Variants in MYO5B observed in about 807,000 individuals in gnomAD.
The protein encoded by MYO5B is unconventional myosin-Vb.
MYO5B carries 143 observed loss-of-function variants against 229.3 expected under a neutral mutation model. That is an observed-to-expected ratio of 0.62 (90% CI 0.54 to 0.72). MYO5B has a LOEUF of 0.72. Ranked by LOEUF, MYO5B falls within the 30% of genes least tolerant of loss-of-function variation. The probability of loss-of-function intolerance (pLI) is 0.00; values close to 1 mark genes in which losing one functional copy is unlikely to be tolerated. For synonymous variants in MYO5B, 918 were observed against 885.2 expected (o/e 1.04, Z -0.66); for missense variants, 2,321 against 2,331.0 (o/e 1.00, Z 0.09).
intron 1 of MYO5B, among the ~76,000 whole-genome samples, chr18:50,140,567 C>T (rs2032402428): frequency 6.6e-6 from 1 of 152,208 alleles, no homozygotes; most frequent in Admixed American, 6.5e-5. Flanking sequence ...GAAAAACATT[C>T]TCAATCTTTC....
intron 4 of MYO5B, among the ~76,000 whole-genome samples, chr18:50,032,248 CTA>C (rs2026398400): frequency 6.6e-6 from 1 of 152,136 alleles, no homozygotes; most frequent in Non-Finnish European, 1.5e-5. Context: ...GTGTATAATT[CTA>C]TGATTTTTAG....
At chr18:49,980,210 A>C (rs1323182478) in intron 9 of MYO5B, among the ~76,000 whole-genome samples, 1 of 152,214 alleles carries the variant, frequency 6.6e-6, no homozygotes, top group African/African-American at 2.4e-5. Context: ...AACCCAACAA[A>C]AAGAATTTAT....
chr18:50,085,624 T>A (rs547149202), intron 1 of MYO5B, among the ~76,000 whole-genome samples: 114 of 152,272 alleles, frequency 7.5e-4, no homozygotes, highest in Admixed American at 1.5e-3. Flanking sequence ...ACATATGTTT[T>A]TTGCGGCACT....
chr18:49,952,152 C>T (rs1213680691), intron 14 of MYO5B, among the ~76,000 whole-genome samples: 1 of 152,214 alleles, frequency 6.6e-6, no homozygotes, highest in Non-Finnish European at 1.5e-5. Flanking sequence ...ACAGGGTTTA[C>T]TTGGCTTTAT....
At chr18:50,070,783 C>A (rs2030938057) in intron 1 of MYO5B, among the ~76,000 whole-genome samples, 1 of 151,968 alleles carries the variant, frequency 6.6e-6, no homozygotes, top group Non-Finnish European at 1.5e-5. Flanking sequence ...TACCTGCACC[C>A]CCCGGCCCCT....
intron 5 of MYO5B, among the ~76,000 whole-genome samples, chr18:49,998,188 A>G (rs746559797): frequency 3.9e-5 from 6 of 152,188 alleles, no homozygotes; most frequent in Admixed American, 3.3e-4. Context: ...TCTCTCAAAC[A>G]TAACACTTAA....
intron 4 of MYO5B, among the ~76,000 whole-genome samples, chr18:50,012,099 CCCACA>C (rs1369660929): frequency 2.0e-5 from 3 of 152,192 alleles, no homozygotes; most frequent in African/African-American, 7.2e-5. Context: ...TCTGCTGGAT[CCCACA>C]CCACACCAAT....
chr18:50,151,615 T>G (rs1022260441), intron 1 of MYO5B, among the ~76,000 whole-genome samples: 1 of 152,234 alleles, frequency 6.6e-6, no homozygotes, highest in Non-Finnish European at 1.5e-5. Flanking sequence ...CATTGTTATG[T>G]GCATTAAACT....
At chr18:49,996,282 G>T (rs1242721974) in intron 5 of MYO5B, among the ~76,000 whole-genome samples, 1 of 152,136 alleles carries the variant, frequency 6.6e-6, no homozygotes, top group Non-Finnish European at 1.5e-5. Context: ...TAGTAAAACT[G>T]AACATGCATG....
chr18:50,116,790 C>G (rs576897710), intron 1 of MYO5B, among the ~76,000 whole-genome samples: 1 of 147,852 alleles, frequency 6.8e-6, no homozygotes, highest in East Asian at 2.1e-4. Flanking sequence ...GAGTCTTTAA[C>G]AAACCTTCTG....
At chr18:50,037,738 A>T (rs1020147747) in intron 3 of MYO5B, among the ~76,000 whole-genome samples, 2 of 152,166 alleles carry the variant, frequency 1.3e-5, no homozygotes, top group African/African-American at 2.4e-5. Context: ...CTTCTCTACA[A>T]AAAAAGTATT....
chr18:50,054,482 G>A (rs1840672328), intron 2 of MYO5B, among the ~76,000 whole-genome samples: 1 of 152,146 alleles, frequency 6.6e-6, no homozygotes, highest in Admixed American at 6.5e-5. Flanking sequence ...TGAAACAGCA[G>A]GGCCACAACC....
intron 9 of MYO5B, among the ~76,000 whole-genome samples, chr18:49,978,122 A>C (rs980083929): frequency 6.6e-6 from 1 of 152,140 alleles, no homozygotes; most frequent in East Asian, 1.9e-4. Context: ...AAGGGCTGCC[A>C]CACCAGGTAG....
At chr18:49,902,927 G>A (rs2024859700) in intron 20 of MYO5B, 94 bp from the exon 21 acceptor site, 1 of 1,502,242 alleles carries the variant, frequency 6.7e-7, no homozygotes, top group African/African-American at 1.4e-5. Flanking sequence ...GAAGAGGCCA[G>A]GGCAGCCTTG....
chr18:49,934,756 A>C (rs2025230850), intron 16 of MYO5B, among the ~76,000 whole-genome samples: 1 of 152,240 alleles, frequency 6.6e-6, no homozygotes, highest in African/African-American at 2.4e-5. Context: ...AGCACACTGC[A>C]AAGAAAACTG....
rs150760503 is a variant in MYO5B, at chr18:50,190,636, A to G, written c.27+4131T>C. 5.0e-4 allele frequency among the ~76,000 whole-genome samples: 74 copies of G among 146,736 alleles called. No individual in the cohort carries two copies. The East Asian group carries it at 6.0e-3, about 12-fold the overall frequency. ...TTGGCCCCCGACCTACCAAAAAAAA[A>G]TCACATAACATATAAACTGCCACTT... On this transcript the variant is annotated intron_variant, in intron 1 of 39. Transcript: ENST00000285039.
intron 5 of MYO5B, among the ~76,000 whole-genome samples, chr18:49,998,346 T>C (rs369774163): frequency 1.3e-4 from 20 of 152,184 alleles, no homozygotes; most frequent in African/African-American, 4.6e-4. Flanking sequence ...TTTATTTACA[T>C]GACCATGTAA....
chr18:49,950,087 C>T (rs150504116), intron 14 of MYO5B, among the ~76,000 whole-genome samples: 4 of 152,186 alleles, frequency 2.6e-5, no homozygotes, highest in Non-Finnish European at 4.4e-5. Flanking sequence ...TCTTTTGAGA[C>T]GTCTGAAACA....
intron 17 of MYO5B, among the ~76,000 whole-genome samples, chr18:49,928,843 T>C (rs2025157956): frequency 6.6e-6 from 1 of 152,196 alleles, no homozygotes; most frequent in Non-Finnish European, 1.5e-5. Context: ...TAGAGACCAT[T>C]ATTCTAAGTG....
Sources: allele counts gnomAD v4.1 joint callset (sites outside exome capture counted in the v4.1 genomes callset), GRCh38; gene constraint gnomAD v4.1.1; transcripts MANE v1.5; gene names NCBI Gene and HGNC (gene_info 2026-07-23, HGNC 2026-07-21).